The following BAAT variants were observed in gnomAD, a reference collection of about 807,000 sequenced individuals.
BAAT encodes the protein bile acid-CoA:amino acid N-acyltransferase.
BAAT carries 13 observed loss-of-function variants against 18.9 expected under a neutral mutation model. That is an observed-to-expected ratio of 0.69 (90% CI 0.45 to 1.10). BAAT has a LOEUF of 1.10. Among genes scored for constraint, BAAT ranks in the 50% least tolerant of loss-of-function variants. BAAT has a pLI of 0.00. For synonymous variants in BAAT, 170 were observed against 190.7 expected (o/e 0.89, Z 0.89); for missense variants, 489 against 504.0 (o/e 0.97, Z 0.28).
chr9:101,364,037 A>G (rs1331243696), intron 3 of BAAT, among the ~76,000 whole-genome samples: 1 of 152,140 alleles, frequency 6.6e-6, no homozygotes, highest in Admixed American at 6.5e-5. Flanking sequence ...GAAAGTCAAC[A>G]AGAAGGAATG....
At chr9:101,369,580 G>C (rs1482371695) in intron 2 of BAAT, among the ~76,000 whole-genome samples, 1 of 152,140 alleles carries the variant, frequency 6.6e-6, no homozygotes, top group East Asian at 1.9e-4. Flanking sequence ...CCCTAAACCA[G>C]CACATCATCC....
intron 3 of BAAT, among the ~76,000 whole-genome samples, chr9:101,363,794 C>A (rs1360584665): frequency 6.6e-6 from 1 of 152,128 alleles, no homozygotes; most frequent in Non-Finnish European, 1.5e-5. Context: ...ACAAATGAGT[C>A]TTCGTATTAA....
Position 101,362,274 on chromosome 9 carries a change from G to A in BAAT, c.*154C>T. The A allele has an allele frequency of 1.3e-6, 1 of 778,180 alleles. No homozygotes were observed. The highest frequency in any genetic ancestry group is 2.1e-6 in the Non-Finnish European group (1 of 482,188). The allele number at this position is 778,180 out of a possible 1,614,324, so 48.2% of individuals were successfully genotyped here. A position where few individuals can be genotyped will look rare whatever the true frequency, so the allele number is the denominator to read the frequency against. On this transcript the variant is annotated 3_prime_UTR_variant, in exon 4 of 4. Coordinates refer to ENST00000259407, the MANE Select transcript of BAAT (RefSeq NM_001701.4). The stretch of plus-strand genomic sequence containing the variant: ...GGTTAGCTTGTTATGCAGTATAAGT[G>A]AAATATCAGGTTTTTACCCTATGCT...
At chr9:101,376,421 T>C (rs1269337733) in intron 1 of BAAT, 1 of 166,730 alleles carries the variant, frequency 6.0e-6, no homozygotes, top group Non-Finnish European at 1.3e-5. Context: ...TTCTCCATCA[T>C]ATGCTCATCC....
chr9:101,375,257 C>A (rs1830019028), intron 1 of BAAT: 1 of 152,774 alleles, frequency 6.5e-6, no homozygotes, highest in South Asian at 2.1e-4. Flanking sequence ...GCCTCTCCAG[C>A]CATGTGAAAC....
Position 101,362,550 on chromosome 9 carries a change from C to T in BAAT, c.1135G>A (p.Asp379Asn), listed in dbSNP as rs765307307. The T allele has an allele frequency of 2.5e-6, 4 of 1,614,072 alleles. No homozygotes were observed. The highest frequency in any genetic ancestry group is 2.5e-6 in the Non-Finnish European group (3 of 1,180,006). Residue 379 changes from aspartate to asparagine, a missense_variant, in exon 4 of 4, where the codon GAT (aspartate) becomes AAT (asparagine). By Grantham distance (23) the Asp-to-Asn change is conservative. Coordinates refer to ENST00000259407, the MANE Select transcript of BAAT (RefSeq NM_001701.4). ...TCTCCTCCCCAGTGTAACCTCAAAT[C>T]GTGGGTCGTTGAGGCACAGCACAGA... ...SPLCCASTTH[D>N]LRLHWGGEVI...
In BAAT at chr9:101,362,910, C is replaced by A; in HGVS notation, c.775G>T (p.Gly259Trp). Residue 259 changes from glycine (G) to tryptophan (W), a missense_variant, in exon 4 of 4, where the codon GGG becomes TGG. By Grantham distance (184) the Gly-to-Trp change is radical. Coordinates refer to ENST00000259407, the MANE Select transcript of BAAT (RefSeq NM_001701.4). ...GGAATGCCAAAAGGAAAGTTGGTCC[C>A]ATTAATAAGTACCGTGGCTGTGACT... ...KQVTATVLIN[G>W]TNFPFGIPQV... is the part of the protein sequence containing the mutation. The A allele has an allele frequency of 1.9e-6, 3 of 1,614,012 alleles. No individual in the cohort carries two copies. Among genetic ancestry groups the A allele is most frequent in the Non-Finnish European group, 2.5e-6 (3 of 1,179,952 alleles).
chr9:101,382,691 G>A (rs1312640896), intron 1 of BAAT, among the ~76,000 whole-genome samples: 20 of 152,108 alleles, frequency 1.3e-4, no homozygotes. Flanking sequence ...TTCTTTCGAG[G>A]AGGCAAGAAA....
intron 1 of BAAT, among the ~76,000 whole-genome samples, chr9:101,372,953 T>C (rs966686192): frequency 4.6e-5 from 7 of 152,176 alleles, no homozygotes; most frequent in Admixed American, 2.0e-4. Context: ...CTTCACCATG[T>C]GCTCAGACCG....
intron 1 of BAAT, among the ~76,000 whole-genome samples, chr9:101,379,453 GT>G (rs1830097595): frequency 6.6e-6 from 1 of 152,142 alleles, no homozygotes; most frequent in Non-Finnish European, 1.5e-5. Flanking sequence ...TTATTTAAAA[GT>G]TCCAAAAAAG....
intron 2 of BAAT, 35 bp from the exon 3 acceptor site, chr9:101,368,357 G>C (rs763894684): frequency 1.3e-6 from 2 of 1,586,246 alleles, no homozygotes; most frequent in Non-Finnish European, 8.6e-7. Flanking sequence ...TACATGAAGA[G>C]AAGGTGTGGA....
intron 2 of BAAT, among the ~76,000 whole-genome samples, chr9:101,368,697 G>T (rs1262150571): frequency 6.6e-6 from 1 of 152,042 alleles, no homozygotes; most frequent in Non-Finnish European, 1.5e-5. Context: ...TTGTTGTAAA[G>T]AAAGGCATAT....
At chr9:101,371,940 A>C (rs1407120545) in intron 1 of BAAT, among the ~76,000 whole-genome samples, 1 of 152,202 alleles carries the variant, frequency 6.6e-6, no homozygotes, top group Non-Finnish European at 1.5e-5. Context: ...AACATAAAAA[A>C]ATAGAGGGAT....
At position 101,362,571 on chromosome 9, in the gene BAAT, A is replaced by G. The variant is rs770363434; in HGVS notation, c.1114T>C (p.Cys372Arg). The change falls in exon 4 of 4, where the codon TGC becomes CGC. Residue 372 changes from cysteine to arginine, a missense_variant. By Grantham distance (180) the Cys-to-Arg change is radical. Coordinates refer to ENST00000259407, the MANE Select transcript of BAAT (RefSeq NM_001701.4). ...AAATCGTGGGTCGTTGAGGCACAGCACAGAGGAGAATAGGGAGGTTCTATC... is the reference window on the plus strand; with the variant it reads ...AAATCGTGGGTCGTTGAGGCACAGCGCAGAGGAGAATAGGGAGGTTCTATC... ...HLIEPPYSPL[C>R]CASTTHDLRL... The G allele has an allele frequency of 1.9e-6, 3 of 1,614,010 alleles. No homozygotes were observed. Among genetic ancestry groups the G allele is most frequent in the Non-Finnish European group, 2.5e-6 (3 of 1,180,022 alleles).
chr9:101,372,811 A>C (rs1172890694), intron 1 of BAAT, among the ~76,000 whole-genome samples: 1 of 152,194 alleles, frequency 6.6e-6, no homozygotes, highest in Non-Finnish European at 1.5e-5. Flanking sequence ...CCAACAGAAA[A>C]AAATAAGGAG....
At chr9:101,367,116 G>GAAAAAAAAAAAAAAAAAAAAA (rs66591298) in intron 3 of BAAT, among the ~76,000 whole-genome samples, 2 of 99,674 alleles carry the variant, frequency 2.0e-5, no homozygotes, top group Non-Finnish European at 3.8e-5. Flanking sequence ...GTCAAAAAAA[G>GAAAAAAAAAAAAAAAAAAAAA]AAAAAAAAAA....
chr9:101,379,844 G>T (rs1361938276), intron 1 of BAAT, among the ~76,000 whole-genome samples: 1 of 152,116 alleles, frequency 6.6e-6, no homozygotes, highest in Non-Finnish European at 1.5e-5. Flanking sequence ...TTCTGTTTTT[G>T]ATTGTAGTCC....
rs1829747469 is a variant in BAAT, at chr9:101,362,561, G to A, written c.1124C>T (p.Ser375Leu). Residue 375 changes from serine (S) to leucine (L), a missense_variant, in exon 4 of 4, where the codon TCA becomes TTA. Physicochemically the swap from Ser to Leu is moderately radical, Grantham distance 145. Transcript: ENST00000259407. ...EPPYSPLCCA[S>L]TTHDLRLHWG... is the part of the protein sequence containing the mutation. Reference sequence around the variant, plus strand: ...GTGTAACCTCAAATCGTGGGTCGTTGAGGCACAGCACAGAGGAGAATAGGG... The same window carrying A: ...GTGTAACCTCAAATCGTGGGTCGTTAAGGCACAGCACAGAGGAGAATAGGG... The A allele has an allele frequency of 1.9e-6, 3 of 1,613,986 alleles. No homozygotes were observed. The highest frequency in any genetic ancestry group is 4.5e-5 in the East Asian group (2 of 44,882).
chr9:101,384,391 A>C (rs1480145972), intron 1 of BAAT, among the ~76,000 whole-genome samples: 1 of 152,196 alleles, frequency 6.6e-6, no homozygotes, highest in Non-Finnish European at 1.5e-5. Context: ...TTATCAAAGA[A>C]ATGCAAATTA....
Sources: allele counts gnomAD v4.1 joint callset (sites outside exome capture counted in the v4.1 genomes callset), GRCh38; gene constraint gnomAD v4.1.1; transcripts MANE v1.5; gene names NCBI Gene and HGNC (gene_info 2026-07-23, HGNC 2026-07-21).